Variants in TECTA observed in about 807,000 individuals in gnomAD.
The protein encoded by TECTA is tectorin alpha.
TECTA carries 128 observed loss-of-function variants against 216.8 expected under a neutral mutation model. The ratio of observed to expected loss-of-function variants is 0.59; its 90% CI spans 0.51 to 0.68. TECTA has a LOEUF of 0.68. TECTA is among the 30% of genes least tolerant of loss of function. The pLI is 0.00. For missense variants in TECTA, 2,551 were observed against 2,786.2 expected (o/e 0.92, Z 1.90); for synonymous variants, 1,089 against 1,117.1 (o/e 0.97, Z 0.50).
intron 20 of TECTA, among the ~76,000 whole-genome samples, chr11:121,183,480 C>T (rs1421107518): frequency 1.3e-5 from 2 of 152,202 alleles, no homozygotes; most frequent in Non-Finnish European, 2.9e-5. Flanking sequence ...TCTCAATTAC[C>T]TTTTCCCATA....
At position 121,162,255 on chromosome 11, in the gene TECTA, G is replaced by C; in HGVS notation, c.5157G>C (p.Leu1719=). 6.2e-7 allele frequency: 1 copy of C among 1,614,086 alleles called. No homozygotes were observed. Among genetic ancestry groups the C allele is most frequent in the Non-Finnish European group, 8.5e-7 (1 of 1,180,050 alleles). ...TCCCATTCTACGAGTCCTGCTACCT[G>C]GACGGCTGCTACAGCCACAAGAAGT... ...DPLPFYESCY[L]DGCYSHKKFQ... is the part of the protein sequence containing the mutation. Residue 1719 remains leucine, a synonymous_variant, in exon 16 of 24, where the codon CTG becomes CTC. Transcript: ENST00000392793.
At chr11:121,152,853 G>A (rs1565531378) in intron 12 of TECTA, 28 bp from the exon 13 acceptor site, 1 of 1,581,988 alleles carries the variant, frequency 6.3e-7, no homozygotes. Flanking sequence ...GTGATCGTGC[G>A]AGTCTTGACT....
Position 121,145,568 on chromosome 11 carries a change from G to T in TECTA, c.3557G>T (p.Arg1186Leu). The change falls in exon 12 of 24, where the codon CGG (arginine) becomes CTG (leucine). Residue 1186 changes from arginine to leucine, a missense_variant. Around this residue, in one of 3 missense-constraint regions of TECTA, gnomAD observed 2,375 missense variants for 2,563.9 expected, o/e 0.93. Transcript: ENST00000392793. ...CTCCTCTTACAGGTCAACAGTGAACGGCTCTATCTGCCCCTGAAGCTGGGG... is the reference window on the plus strand; with the variant it reads ...CTCCTCTTACAGGTCAACAGTGAACTGCTCTATCTGCCCCTGAAGCTGGGG... ...YKHTVLVNSERLYLPLKLGQG... is the reference protein window; with the variant it reads ...YKHTVLVNSELLYLPLKLGQG... The T allele has an allele frequency of 6.2e-7, 1 of 1,614,180 alleles. No homozygotes were observed. The highest frequency in any genetic ancestry group is 8.5e-7 in the Non-Finnish European group (1 of 1,180,024).
chr11:121,166,475 CA>C, intron 17 of TECTA, 102 bp from the exon 18 acceptor site: 1 of 1,157,244 alleles, frequency 8.6e-7, no homozygotes, highest in Non-Finnish European at 1.3e-6. Context: ...GAGTGGAGGT[CA>C]TTTGCCTCTT....
chr11:121,149,468 A>T (rs1946869289), intron 12 of TECTA, among the ~76,000 whole-genome samples: 1 of 152,236 alleles, frequency 6.6e-6, no homozygotes, highest in Non-Finnish European at 1.5e-5. Context: ...TGCAGAAGTT[A>T]TTATAGAAGT....
chr11:121,168,788 G>A lies in TECTA; in HGVS notation c.5862G>A (p.Thr1954=), dbSNP rs758886759. ...ACCGCCAGGGTGAAGTAGTGTTGAC[G>A]ACTCGAGATGTGCTGTATGTAGGGG... The part of the protein sequence containing the change: ...HPYRQGEVVL[T]TRDVLYVGVF... The change falls in exon 20 of 24, where the codon ACG becomes ACA. Residue 1954 remains threonine (T), a synonymous_variant. Transcript: ENST00000392793. 4.3e-6 allele frequency: 7 copies of A among 1,614,074 alleles called. No individual in the cohort carries two copies. The highest frequency in any genetic ancestry group is 5.9e-6 in the Non-Finnish European group (7 of 1,180,020).
intron 6 of TECTA, among the ~76,000 whole-genome samples, chr11:121,116,338 C>G (rs1946501642): frequency 6.6e-6 from 1 of 152,188 alleles, no homozygotes; most frequent in South Asian, 2.1e-4. Context: ...GTTGCAGACT[C>G]TTACCCAAAT....
chr11:121,154,067 G>C (rs1358379335), intron 13 of TECTA, among the ~76,000 whole-genome samples: 2 of 152,080 alleles, frequency 1.3e-5, no homozygotes, highest in Non-Finnish European at 2.9e-5. Flanking sequence ...AAGAACAAGA[G>C]ATCAGTTACA....
rs138190155 is a variant in TECTA, at chr11:121,104,413, T to G, written c.65-1418T>G. Among the ~76,000 whole-genome samples, 1,403 of 152,272 alleles carry G rather than the reference T, an allele frequency of 9.2e-3. 18 individuals are homozygous for G. The highest frequency in any genetic ancestry group is 0.031 in the African/African-American group (1,303 of 41,540). On this transcript the variant is annotated intron_variant, in intron 2 of 23. Coordinates refer to ENST00000392793, the MANE Select transcript of TECTA (RefSeq NM_005422.4). Reference sequence around the variant, plus strand: ...GCCTCCTACAGCCTCAAATTCGGGCTGCTTCTCAGCAACTTCTGGGGTTTG... The same window carrying G: ...GCCTCCTACAGCCTCAAATTCGGGCGGCTTCTCAGCAACTTCTGGGGTTTG...
rs550869137 is a variant in TECTA at position 121,131,207 on chromosome 11, C to A, written c.2941+996C>A. Among the ~76,000 whole-genome samples, 74 of 92,836 alleles carry A rather than the reference C, an allele frequency of 8.0e-4. 2 individuals are homozygous for A. In the South Asian group the frequency reaches 0.029, roughly 37 times the overall value. The allele number at this position is 92,836 out of a possible 152,430, so 60.9% of individuals were successfully genotyped here. On this transcript the variant is annotated intron_variant, in intron 10 of 23. Coordinates refer to ENST00000392793, the MANE Select transcript of TECTA (RefSeq NM_005422.4). ...CCAGCCTGGGCGACAGAGCAAGACT[C>A]CATCTCAAAAAAAAAAAAAAAAAAA...
chr11:121,115,970 T>G (rs1252587301), intron 6 of TECTA, among the ~76,000 whole-genome samples: 1 of 152,158 alleles, frequency 6.6e-6, no homozygotes, highest in Non-Finnish European at 1.5e-5. Context: ...ATGTGTTTAA[T>G]ATACAGAAAA....
At chr11:121,169,433 G>A (rs1947089474) in intron 20 of TECTA, among the ~76,000 whole-genome samples, 3 of 151,888 alleles carry the variant, frequency 2.0e-5, no homozygotes, top group South Asian at 2.1e-4. Flanking sequence ...AAAAATTCTC[G>A]AATGAATGAA....
chr11:121,188,097 A>G (rs1947305731), intron 21 of TECTA, 103 bp downstream of exon 21: 7 of 1,287,400 alleles, frequency 5.4e-6, no homozygotes, highest in South Asian at 1.3e-5. Flanking sequence ...GGAATCATCC[A>G]TAGATGCTTG....
chr11:121,130,212 G>A lies in TECTA; in HGVS notation c.2941+1G>A, dbSNP rs966621865. The A allele has an allele frequency of 5.6e-6, 9 of 1,599,834 alleles. No individual in the cohort carries two copies. The highest frequency in any genetic ancestry group is 1.1e-5 in the South Asian group (1 of 91,046). The stretch of plus-strand genomic sequence containing the variant: ...CCCTGGCGGACCTATGACTTCTGCC[G>A]TAAGTTGGGGTTGGATTCTGGGAGA... On this transcript the variant is annotated splice_donor_variant, in intron 10 of 23. Coordinates refer to ENST00000392793, the MANE Select transcript of TECTA (RefSeq NM_005422.4). LOFTEE classifies it high-confidence loss of function.
rs1946382697 is a variant in TECTA at position 121,105,576 on chromosome 11, T to C, written c.65-255T>C. Among the ~76,000 whole-genome samples, 1 of 152,242 alleles carries C rather than the reference T, an allele frequency of 6.6e-6. No individual in the cohort carries two copies. The highest frequency in any genetic ancestry group is 1.5e-5 in the Non-Finnish European group (1 of 68,042). On this transcript the variant is annotated intron_variant, in intron 2 of 23. Transcript: ENST00000392793. The surrounding 1 kb of genome is among the most constrained non-coding windows in gnomAD (Gnocchi z 5.3). ...GCTGTAGCCATAGATATCACCAAGATGCATGAAAGTGCAAGAACATGCACA... is the reference window on the plus strand; with the variant it reads ...GCTGTAGCCATAGATATCACCAAGACGCATGAAAGTGCAAGAACATGCACA...
In TECTA at chr11:121,158,031, A is replaced by G; in HGVS notation, c.4496A>G (p.Asp1499Gly). ...GGCGGCGGCGTCTTCCGCACCTTCG[A>G]CGGCGCCTTCCTGCGCTTCCCAGCC... ...AAGGGVFRTF[D>G]GAFLRFPANC... Residue 1499 changes from aspartate to glycine, a missense_variant, in exon 14 of 24, where the codon GAC becomes GGC. Coordinates refer to ENST00000392793, the MANE Select transcript of TECTA (RefSeq NM_005422.4). 2 of 1,613,168 alleles carry G rather than the reference A, an allele frequency of 1.2e-6. No homozygotes were observed. Among genetic ancestry groups the G allele is most frequent in the Non-Finnish European group, 1.7e-6 (2 of 1,179,934 alleles).
chr11:121,130,776 G>A (rs752358642), intron 10 of TECTA, among the ~76,000 whole-genome samples: 1 of 152,136 alleles, frequency 6.6e-6, no homozygotes, highest in Non-Finnish European at 1.5e-5. Context: ...TAACACCCTT[G>A]ATTATCAGGG....
chr11:121,106,266 G>A (rs904676807), intron 3 of TECTA, among the ~76,000 whole-genome samples: 1 of 152,196 alleles, frequency 6.6e-6, no homozygotes, highest in Non-Finnish European at 1.5e-5. Flanking sequence ...GCTACTCAAC[G>A]AGATAAAAAG....
chr11:121,158,283 G>T (rs1381506412), intron 14 of TECTA, 59 bp downstream of exon 14: 8 of 1,599,812 alleles, frequency 5.0e-6, no homozygotes, highest in South Asian at 1.1e-5. Flanking sequence ...TTGGCTAGGG[G>T]ACTGTGTAGG....
Sources: gnomAD v4.1 joint callset for allele counts (sites outside exome capture counted in the v4.1 genomes callset) on GRCh38, gnomAD v4.1.1 for gene constraint, gnomAD v4.1.1 regional missense constraint, Gnocchi (gnomAD v3.1) non-coding constraint, MANE v1.5 for transcripts, NCBI Gene and HGNC (gene_info 2026-07-23, HGNC 2026-07-21) for gene names.